FGFRL1: variants seen among roughly 807,000 people sequenced by gnomAD.
FGFRL1 encodes fibroblast growth factor receptor-like 1.
FGFRL1 carries 24 observed loss-of-function variants against 36.8 expected under a neutral mutation model. The ratio of observed to expected loss-of-function variants is 0.65; its 90% CI spans 0.47 to 0.92. The LOEUF (loss-of-function observed/expected upper bound fraction) is 0.92. Among genes scored for constraint, FGFRL1 ranks in the 40% least tolerant of loss-of-function variants. The probability of loss-of-function intolerance (pLI) is 0.00; values close to 1 mark genes in which losing one functional copy is unlikely to be tolerated. For synonymous variants in FGFRL1, 422 were observed against 344.1 expected (o/e 1.23, Z -2.50); for missense variants, 785 against 753.4 (o/e 1.04, Z -0.49).
intron 6 of FGFRL1, 117 bp from the exon 7 acceptor site, chr4:1,024,788 C>T: frequency 7.1e-7 from 1 of 1,400,926 alleles, no homozygotes. Context: ...AGGTCATCTG[C>T]CGAGGGAGGG....
chr4:1,024,864 C>A (rs371931630), intron 6 of FGFRL1, 41 bp from the exon 7 acceptor site: 2 of 1,539,224 alleles, frequency 1.3e-6, no homozygotes, highest in Admixed American at 3.6e-5. Context: ...GTCTTTGTGT[C>A]GGCGTTCCCC....
In FGFRL1 at chr4:1,022,314, C is replaced by G. The variant is rs2153026814; in HGVS notation, c.191C>G (p.Thr64Ser). ...EGDPPPLTMW[T>S]KDGRTIHSGW... ...GACCCGCCGCCGCTGACCATGTGGACCAAGGATGGCCGCACCATCCACAGC... is the reference window on the plus strand; with the variant it reads ...GACCCGCCGCCGCTGACCATGTGGAGCAAGGATGGCCGCACCATCCACAGC... The change falls in exon 3 of 7, where the codon ACC becomes AGC. Residue 64 changes from threonine (T) to serine (S), a missense_variant. Thr to Ser is a moderately conservative substitution (Grantham distance 58, BLOSUM62 1). Coordinates refer to ENST00000510644, the MANE Select transcript of FGFRL1 (RefSeq NM_001004356.3). 2 of 1,599,464 alleles carry G rather than the reference C, an allele frequency of 1.3e-6. No individual in the cohort carries two copies. The highest frequency in any genetic ancestry group is 8.5e-7 in the Non-Finnish European group (1 of 1,174,074).
At chr4:1,012,758 A>G (rs1029147901) in intron 2 of FGFRL1, among the ~76,000 whole-genome samples, 194 bp downstream of exon 2, 1 of 152,188 alleles carries the variant, frequency 6.6e-6, no homozygotes, top group Non-Finnish European at 1.5e-5. Flanking sequence ...GGGCTCCCCT[A>G]GCTGGCTGGA....
In FGFRL1 at chr4:1,012,371, G is replaced by T. The variant is rs73792068; in HGVS notation, c.-16-99G>T. On this transcript the variant is annotated intron_variant, in intron 1 of 6. Coordinates refer to ENST00000510644, the MANE Select transcript of FGFRL1 (RefSeq NM_001004356.3). ...TGGAGCGCGGGCGGGGAGGGCCTGT[G>T]GGGAGGGCGGCCAGACCCCTGATCC... 1,235 of 1,409,476 alleles carry T rather than the reference G, an allele frequency of 8.8e-4. 12 individuals are homozygous for T. In the African/African-American group the frequency reaches 0.017, roughly 19 times the overall value. The allele number at this position is 1,409,476 out of a possible 1,614,324, so 87.3% of individuals were successfully genotyped here. A position where few individuals can be genotyped will look rare whatever the true frequency, so the allele number is the denominator to read the frequency against.
At chr4:1,019,410 G>A (rs1376484503) in intron 2 of FGFRL1, among the ~76,000 whole-genome samples, 1 of 152,224 alleles carries the variant, frequency 6.6e-6, no homozygotes, top group Non-Finnish European at 1.5e-5. Context: ...ACCCCTGCAG[G>A]CTGTGGGCCA....
rs147385493 is a variant in FGFRL1, at chr4:1,024,540, C to A, written c.948C>A (p.Asp316Glu). Residue 316 changes from aspartate (D) to glutamate (E), a missense_variant, in exon 6 of 7, where the codon GAC becomes GAA. Coordinates refer to ENST00000510644, the MANE Select transcript of FGFRL1 (RefSeq NM_001004356.3). ...LPTGDVWSRP[D>E]GSYLNKLLIT... is the part of the protein sequence containing the mutation. ...CGGGTGACGTGTGGTCGCGGCCCGA[C>A]GGCTCCTACCTCAATAAGCTGCTCA... is the stretch of plus-strand genomic sequence containing the variant. The A allele has an allele frequency of 1.2e-6, 2 of 1,612,496 alleles. No homozygotes were observed. The highest frequency in any genetic ancestry group is 2.2e-5 in the East Asian group (1 of 44,878).
At chr4:1,018,989 G>C (rs1372219262) in intron 2 of FGFRL1, among the ~76,000 whole-genome samples, 1 of 152,164 alleles carries the variant, frequency 6.6e-6, no homozygotes, top group Non-Finnish European at 1.5e-5. Flanking sequence ...TGCCTACAGC[G>C]CTTGCAGGCC....
chr4:1,012,435 C>G (rs763426754), intron 1 of FGFRL1, 35 bp from the exon 2 acceptor site: 20 of 1,572,790 alleles, frequency 1.3e-5, no homozygotes, highest in Admixed American at 8.8e-5. Context: ...TCTCCCAGTT[C>G]CACGTGTTAG....
chr4:1,013,337 C>G (rs1426661846), intron 2 of FGFRL1, among the ~76,000 whole-genome samples: 1 of 152,252 alleles, frequency 6.6e-6, no homozygotes, highest in Non-Finnish European at 1.5e-5. Context: ...CATGGCTAGG[C>G]GGGACCTGTG....
Position 1,024,090 on chromosome 4 carries a change from TGG to T in FGFRL1, c.708_709del (p.Asp237CysfsTer73). ...GGCGCCATCAACGCCACCTACAAGG[TGG>T]ATGTGATCCGTGAGTGTGGCCCCGG... On this transcript the variant is annotated frameshift_variant, in exon 5 of 7. Coordinates refer to ENST00000510644, the MANE Select transcript of FGFRL1 (RefSeq NM_001004356.3). LOFTEE classifies it high-confidence loss of function. The T allele has an allele frequency of 6.3e-7, 1 of 1,581,702 alleles. No homozygotes were observed. The highest frequency in any genetic ancestry group is 1.1e-5 in the South Asian group (1 of 88,856).
chr4:1,010,524 C>T (rs1416391951), upstream of FGFRL1, among the ~76,000 whole-genome samples: 4 of 152,264 alleles, frequency 2.6e-5, no homozygotes, highest in Non-Finnish European at 5.9e-5. Flanking sequence ...TCTCCAGTTT[C>T]AGCCTTTCCT....
Position 1,022,482 on chromosome 4 carries a change from C to T in FGFRL1, c.352+7C>T, listed in dbSNP as rs760887083. 39 of 1,587,722 alleles carry T rather than the reference C, an allele frequency of 2.5e-5. No individual in the cohort carries two copies. Among genetic ancestry groups the T allele is most frequent in the African/African-American group, 4.0e-5 (3 of 74,614 alleles). On this transcript the variant is annotated splice_region_variant and intron_variant, in intron 3 of 6. Transcript: ENST00000510644. ...TACACCCTCGTCGTGCTGGGTTAGT[C>T]GCTGCTGCGGTCAGAGGTCATGGGC...
chr4:1,012,389 C>G, intron 1 of FGFRL1, 81 bp from the exon 2 acceptor site: 2 of 1,528,658 alleles, frequency 1.3e-6, no homozygotes, highest in Non-Finnish European at 1.8e-6. Flanking sequence ...CGGCCAGACC[C>G]CTGATCCCCG....
chr4:1,022,155 C>T (rs201608357), intron 2 of FGFRL1, 48 bp from the exon 3 acceptor site: 48 of 1,441,650 alleles, frequency 3.3e-5, no homozygotes, highest in Admixed American at 2.1e-4. Flanking sequence ...CCCCCGGCTC[C>T]GGACCCCAAG....
intron 2 of FGFRL1, among the ~76,000 whole-genome samples, chr4:1,017,307 A>G (rs950868602): frequency 4.6e-5 from 7 of 152,158 alleles, no homozygotes; most frequent in Non-Finnish European, 8.8e-5. Context: ...CTCTTGGTCC[A>G]GCTCCTCCAT....
intron 2 of FGFRL1, among the ~76,000 whole-genome samples, chr4:1,014,710 C>A (rs967182911): frequency 4.6e-5 from 7 of 152,256 alleles, no homozygotes; most frequent in Non-Finnish European, 1.5e-5. Flanking sequence ...TCCTCCCTCG[C>A]CCCAGGCCCT....
At chr4:1,014,820 CCATCT>C (rs1274506177) in intron 2 of FGFRL1, among the ~76,000 whole-genome samples, 1 of 152,214 alleles carries the variant, frequency 6.6e-6, no homozygotes, top group African/African-American at 2.4e-5. Flanking sequence ...CGCCCCGTTT[CCATCT>C]CGGGGCCCCA....
chr4:1,018,690 C>T (rs1006981348), intron 2 of FGFRL1, among the ~76,000 whole-genome samples: 2 of 152,192 alleles, frequency 1.3e-5, no homozygotes, highest in South Asian at 4.1e-4. Context: ...CCGGTCTTCC[C>T]ACCAGGTGCC....
chr4:1,013,222 C>T (rs117864192), intron 2 of FGFRL1, among the ~76,000 whole-genome samples: 10 of 152,366 alleles, frequency 6.6e-5, no homozygotes, highest in African/African-American at 1.9e-4. Context: ...GCAGCCATGC[C>T]CTGGGACCCA....
Sources: gnomAD v4.1 joint callset for allele counts (sites outside exome capture counted in the v4.1 genomes callset) on GRCh38, gnomAD v4.1.1 for gene constraint, MANE v1.5 for transcripts, NCBI Gene and HGNC (gene_info 2026-07-23, HGNC 2026-07-21) for gene names.